HMG20A: variants seen among roughly 807,000 people sequenced by gnomAD.
HMG20A encodes high mobility group 20A, also known as high mobility group protein 20A.
In HMG20A, 17 loss-of-function variants were observed where a neutral mutation model predicts 43.9. The ratio of observed to expected loss-of-function variants is 0.39; its 90% CI spans 0.27 to 0.58. HMG20A has a LOEUF of 0.58. HMG20A is among the 20% of genes least tolerant of loss of function. The pLI is 0.59. For missense variants in HMG20A, 341 were observed against 438.2 expected (o/e 0.78, Z 1.98); for synonymous variants, 132 against 147.5 (o/e 0.89, Z 0.76).
intron 1 of HMG20A, among the ~76,000 whole-genome samples, chr15:77,456,144 G>A (rs2072652128): frequency 6.6e-6 from 1 of 152,114 alleles, no homozygotes; most frequent in Admixed American, 6.6e-5. Context: ...TTGTTTATAT[G>A]ATCTGTTTAT....
chr15:77,456,861 C>A (rs1022612137), intron 1 of HMG20A, among the ~76,000 whole-genome samples: 3 of 152,134 alleles, frequency 2.0e-5, no homozygotes, highest in African/African-American at 7.2e-5. Flanking sequence ...ACACTTGAGT[C>A]AGGGTTATTC....
the HMG20A span, among the ~76,000 whole-genome samples, chr15:77,501,094 A>T: frequency 1.3e-5 from 2 of 152,164 alleles, no homozygotes; most frequent in African/African-American, 4.8e-5. Flanking sequence ...GTGTGTGGCT[A>T]TTCAGTCCTG....
downstream of HMG20A, among the ~76,000 whole-genome samples, chr15:77,485,946 A>G (rs1369186616): frequency 6.6e-6 from 1 of 152,266 alleles, no homozygotes; most frequent in Admixed American, 6.5e-5. Flanking sequence ...AATAAAAAAT[A>G]AATAAAAAAG....
intron 1 of HMG20A, among the ~76,000 whole-genome samples, chr15:77,443,369 TGATGATG>T (rs1567394325): frequency 7.6e-6 from 1 of 130,760 alleles, no homozygotes; most frequent in Non-Finnish European, 1.7e-5. Flanking sequence ...ATGATGATGA[TGATGATG>T]ATGATTATTA....
chr15:77,485,993 A>G (rs771353020), downstream of HMG20A, among the ~76,000 whole-genome samples: 2 of 152,246 alleles, frequency 1.3e-5, no homozygotes, highest in East Asian at 1.9e-4. Context: ...GACTTTGTCA[A>G]CTCTACATTA....
chr15:77,506,029 C>T, the HMG20A span, among the ~76,000 whole-genome samples: 2 of 150,794 alleles, frequency 1.3e-5, no homozygotes, highest in Admixed American at 6.6e-5. Flanking sequence ...ACCACTTTTC[C>T]CATGTAGGAT....
chr15:77,507,359 C>T, the HMG20A span, among the ~76,000 whole-genome samples: 3 of 152,194 alleles, frequency 2.0e-5, no homozygotes, highest in African/African-American at 7.2e-5. Context: ...CACACACCCC[C>T]CACACCCCTC....
chr15:77,464,121 G>C (rs2072732852), intron 2 of HMG20A, 119 bp from the exon 3 acceptor site: 1 of 1,128,538 alleles, frequency 8.9e-7, no homozygotes, highest in Admixed American at 2.3e-5. Flanking sequence ...CATTTATACA[G>C]ATTATTGGGG....
chr15:77,499,834 C>CT, the HMG20A span, among the ~76,000 whole-genome samples: 2,226 of 145,352 alleles, frequency 0.015, 32 homozygotes, highest in African/African-American at 0.041. Flanking sequence ...TTTTTCTTTT[C>CT]TTTTTTTTTT....
chr15:77,455,904 G>A (rs1268915297), intron 1 of HMG20A, among the ~76,000 whole-genome samples: 7 of 152,052 alleles, frequency 4.6e-5, no homozygotes, highest in East Asian at 3.9e-4. Flanking sequence ...TGTATTTTCC[G>A]ACTTACTGGA....
At chr15:77,458,694 T>A (rs1486168774) in intron 2 of HMG20A, 198 bp downstream of exon 2, 2 of 425,252 alleles carry the variant, frequency 4.7e-6, no homozygotes, top group African/African-American at 4.1e-5. Flanking sequence ...CTCTGGTTTT[T>A]GTGAACTGGT....
At chr15:77,507,746 C>T in the HMG20A span, among the ~76,000 whole-genome samples, 1 of 152,204 alleles carries the variant, frequency 6.6e-6, no homozygotes, top group African/African-American at 2.4e-5. Flanking sequence ...CTGTTCTTCA[C>T]AGGTGCGGGC....
chr15:77,494,612 G>C, the HMG20A span, among the ~76,000 whole-genome samples: 1 of 152,196 alleles, frequency 6.6e-6, no homozygotes, highest in African/African-American at 2.4e-5. Context: ...GCCGTAAAGA[G>C]GATGCTAAAC....
intron 7 of HMG20A, among the ~76,000 whole-genome samples, chr15:77,477,840 CA>C (rs1170299211): frequency 6.6e-6 from 1 of 152,176 alleles, no homozygotes; most frequent in Non-Finnish European, 1.5e-5. Flanking sequence ...CACTTGTCTT[CA>C]AACTCTTAGC....
intron 4 of HMG20A, among the ~76,000 whole-genome samples, chr15:77,470,223 T>C (rs1246533406): frequency 6.6e-6 from 1 of 152,236 alleles, no homozygotes; most frequent in Non-Finnish European, 1.5e-5. Context: ...TTATACTTTC[T>C]TATACTTCAT....
downstream of HMG20A, among the ~76,000 whole-genome samples, chr15:77,488,570 C>G (rs1409288205): frequency 6.6e-6 from 1 of 152,054 alleles, no homozygotes; most frequent in African/African-American, 2.4e-5. Context: ...AGTATCTTAA[C>G]TAATTAATAA....
At chr15:77,431,838 T>C (rs1210079283) in intron 1 of HMG20A, among the ~76,000 whole-genome samples, 1 of 152,120 alleles carries the variant, frequency 6.6e-6, no homozygotes, top group Non-Finnish European at 1.5e-5. Context: ...ACTCTATACT[T>C]CCATGAGTTC....
chr15:77,481,843 A>G (rs982327763), intron 9 of HMG20A, among the ~76,000 whole-genome samples: 2 of 152,220 alleles, frequency 1.3e-5, no homozygotes, highest in Admixed American at 1.3e-4. Flanking sequence ...GTTTGGCCTC[A>G]TTATACAAAT....
At chr15:77,472,755 T>A (rs551803817) in intron 6 of HMG20A, among the ~76,000 whole-genome samples, 8 of 152,250 alleles carry the variant, frequency 5.3e-5, no homozygotes, top group Non-Finnish European at 1.2e-4. Context: ...CTTCAAACTT[T>A]TCTTGTTTCC....
Sources: allele counts gnomAD v4.1 joint callset (sites outside exome capture counted in the v4.1 genomes callset), GRCh38; gene constraint gnomAD v4.1.1; transcripts MANE v1.5; gene names NCBI Gene and HGNC (gene_info 2026-07-23, HGNC 2026-07-21).